The following FOXN3 variants were observed in gnomAD, a reference collection of about 807,000 sequenced individuals.
FOXN3 encodes forkhead box N3, also known as forkhead box protein N3.
In FOXN3, 7 loss-of-function variants were observed where a neutral mutation model predicts 38.4. That is an observed-to-expected ratio of 0.18 (90% CI 0.10 to 0.34). The LOEUF (loss-of-function observed/expected upper bound fraction) is 0.34, where lower values mean the gene tolerates loss of function less well. Ranked by LOEUF, FOXN3 falls within the 10% of genes least tolerant of loss-of-function variation. FOXN3 has a pLI of 1.00. For synonymous variants in FOXN3, 230 were observed against 242.2 expected, an observed-to-expected ratio of 0.95 and a Z score of 0.47; for missense variants, 456 against 613.4, an observed-to-expected ratio of 0.74 and a Z score of 2.71.
At chr14:89,171,462 A>G (rs1887386171) in intron 5 of FOXN3, among the ~76,000 whole-genome samples, 1 of 152,230 alleles carries the variant, frequency 6.6e-6, no homozygotes, top group Admixed American at 6.5e-5. Flanking sequence ...AGATAAAGAC[A>G]GAACTAGAGA....
At chr14:89,195,352 C>T (rs1206617733) in intron 4 of FOXN3, among the ~76,000 whole-genome samples, 2 of 152,222 alleles carry the variant, frequency 1.3e-5, no homozygotes, top group African/African-American at 4.8e-5. Flanking sequence ...CTCATCAGCA[C>T]ACTCTGGGTC....
intron 3 of FOXN3, among the ~76,000 whole-genome samples, chr14:89,321,792 CT>C (rs111889428): frequency 0.14 from 19,761 of 143,536 alleles, 1,365 homozygotes; most frequent in South Asian, 0.18. Flanking sequence ...TTCTTCTTTC[CT>C]TTTTTTTTTT....
chr14:89,159,506 CAGA>C lies in FOXN3; in HGVS notation c.*2905_*2907del, dbSNP rs1887050570. ...ATATTTCTCTATTTCTCAAAGAGAT[CAGA>C]AAAGTAAATCACACACATTGCATTT... On this transcript the variant is annotated 3_prime_UTR_variant, in exon 6 of 6. Coordinates refer to ENST00000557258, the MANE Select transcript of FOXN3 (RefSeq NM_005197.4). 1 of 152,616 alleles carries C rather than the reference CAGA, an allele frequency of 6.6e-6. No homozygotes were observed. Among genetic ancestry groups the C allele is most frequent in the Non-Finnish European group, 1.5e-5 (1 of 68,050 alleles). 9.5% of individuals were successfully genotyped at this position (152,616 alleles called of 1,614,324 possible). A position where few individuals can be genotyped will look rare whatever the true frequency, so the allele number is the denominator to read the frequency against.
chr14:89,551,999 T>A (rs1410940906), intron 1 of FOXN3, among the ~76,000 whole-genome samples: 1 of 152,208 alleles, frequency 6.6e-6, no homozygotes, highest in Non-Finnish European at 1.5e-5. Context: ...AAGGTAAGAA[T>A]ATCACATGCT....
At position 89,551,266 on chromosome 14, in the gene FOXN3, GCT is replaced by G. The variant is rs536588301; in HGVS notation, c.-15+67760_-15+67761del. On this transcript the variant is annotated intron_variant, in intron 1 of 6. Transcript: ENST00000345097. ...ACGGGGCACCCGACTGTGCTATGGG[GCT>G]CAAGAGCTGTGGGTCTAACTTTCTG... Among the ~76,000 whole-genome samples, 363 of 152,310 alleles carry G rather than the reference GCT, an allele frequency of 2.4e-3. 1 individual carries two copies. The highest frequency in any genetic ancestry group is 8.4e-3 in the African/African-American group (351 of 41,566).
chr14:89,538,219 C>G (rs142454643), intron 1 of FOXN3, among the ~76,000 whole-genome samples: 109 of 152,320 alleles, frequency 7.2e-4, no homozygotes, highest in Non-Finnish European at 1.3e-3. Context: ...TTCATTCATG[C>G]ATTTCCTAAG....
intron 2 of FOXN3, among the ~76,000 whole-genome samples, chr14:89,379,380 C>T (rs1013967116): frequency 2.0e-5 from 3 of 152,100 alleles, no homozygotes; most frequent in African/African-American, 2.4e-5. Flanking sequence ...TATTTGCGGC[C>T]GGGTAATTCT....
chr14:89,413,783 AG>A (rs1891611675), intron 1 of FOXN3, among the ~76,000 whole-genome samples: 1 of 142,960 alleles, frequency 7.0e-6, no homozygotes, highest in Non-Finnish European at 1.5e-5. Context: ...GAAAAAAAGA[AG>A]GGAAGGGAAA....
intron 4 of FOXN3, among the ~76,000 whole-genome samples, chr14:89,240,922 TGCA>T (rs1885121421): frequency 6.6e-6 from 1 of 152,232 alleles, no homozygotes; most frequent in African/African-American, 2.4e-5. Flanking sequence ...TTCTTTCCAC[TGCA>T]GCAGCATGTG....
rs1284187864 is a variant in FOXN3, at chr14:89,158,368, A to G, written c.*4046T>C. Reference sequence around the variant, plus strand: ...GTGGTAGTAACTGCTGTGGCCAGCAAGCACTAGACACATTGAATGCCTCTG... The same window carrying G: ...GTGGTAGTAACTGCTGTGGCCAGCAGGCACTAGACACATTGAATGCCTCTG... On this transcript the variant is annotated 3_prime_UTR_variant, in exon 6 of 6. Coordinates refer to ENST00000557258, the MANE Select transcript of FOXN3 (RefSeq NM_005197.4). 1 of 152,332 alleles carries G rather than the reference A, an allele frequency of 6.6e-6. No individual in the cohort carries two copies. The highest frequency in any genetic ancestry group is 1.5e-5 in the Non-Finnish European group (1 of 68,040). The allele number at this position is 152,332 out of a possible 1,614,324, so 9.4% of individuals were successfully genotyped here. A position where few individuals can be genotyped will look rare whatever the true frequency, so the allele number is the denominator to read the frequency against.
At chr14:89,426,349 C>T (rs1242055056) in intron 1 of FOXN3, among the ~76,000 whole-genome samples, 12 of 150,798 alleles carry the variant, frequency 8.0e-5, no homozygotes, top group Admixed American at 6.7e-4. Context: ...CCTCAGCCTC[C>T]TGAGTAGCTG....
intron 1 of FOXN3, among the ~76,000 whole-genome samples, chr14:89,442,321 T>C (rs1321054576): frequency 6.6e-6 from 1 of 152,174 alleles, no homozygotes; most frequent in Non-Finnish European, 1.5e-5. Context: ...CAGGCAGTAA[T>C]AGTTGTCACT....
At chr14:89,526,637 T>C (rs74078955) in intron 1 of FOXN3, among the ~76,000 whole-genome samples, 1 of 152,194 alleles carries the variant, frequency 6.6e-6, no homozygotes. Flanking sequence ...ACTATGTTCA[T>C]GGAAGATTCA....
intron 4 of FOXN3, among the ~76,000 whole-genome samples, chr14:89,199,347 T>C (rs1487241905): frequency 6.6e-6 from 1 of 152,122 alleles, no homozygotes; most frequent in African/African-American, 2.4e-5. Context: ...AATCTCCCAC[T>C]AAGTTGGACA....
intron 3 of FOXN3, chr14:89,290,501 G>A (rs1886836629): frequency 2.0e-6 from 1 of 492,030 alleles, no homozygotes; most frequent in South Asian, 1.7e-5. Context: ...CCACTGGAAT[G>A]GAGTTTACTT....
chr14:89,377,937 T>C (rs1024379300), intron 2 of FOXN3, among the ~76,000 whole-genome samples: 5 of 152,158 alleles, frequency 3.3e-5, no homozygotes, highest in Non-Finnish European at 7.3e-5. Flanking sequence ...GAGAAGACCA[T>C]GTGGAAGACA....
chr14:89,408,298 G>T (rs757063072), intron 2 of FOXN3, among the ~76,000 whole-genome samples: 25 of 151,602 alleles, frequency 1.6e-4, no homozygotes, highest in Admixed American at 3.9e-4. Flanking sequence ...TTGAGACAGG[G>T]TCTGGCTCTG....
chr14:89,347,650 C>T (rs541003389), intron 3 of FOXN3, among the ~76,000 whole-genome samples: 2 of 152,316 alleles, frequency 1.3e-5, no homozygotes, highest in East Asian at 3.9e-4. Flanking sequence ...TTCAAAAGGG[C>T]ACTTTAGAAA....
chr14:89,284,081 T>C (rs1010217142), intron 3 of FOXN3, among the ~76,000 whole-genome samples: 11 of 152,164 alleles, frequency 7.2e-5, no homozygotes, highest in African/African-American at 2.7e-4. Context: ...AGTGGCCAGG[T>C]TGGTCTCGAA....
Sources: gnomAD v4.1 joint callset for allele counts (sites outside exome capture counted in the v4.1 genomes callset) on GRCh38, gnomAD v4.1.1 for gene constraint, MANE v1.5 for transcripts, NCBI Gene and HGNC (gene_info 2026-07-23, HGNC 2026-07-21) for gene names.